Variants in ANLN observed in about 807,000 individuals in gnomAD.
ANLN encodes the protein anillin.
ANLN carries 59 observed loss-of-function variants against 135.1 expected under a neutral mutation model. That is an observed-to-expected ratio of 0.44 (90% confidence interval 0.35 to 0.54). The LOEUF (loss-of-function observed/expected upper bound fraction) is 0.54. ANLN is among the 20% of genes least tolerant of loss of function. The probability of loss-of-function intolerance (pLI) is 0.00; values close to 1 mark genes in which losing one functional copy is unlikely to be tolerated. For synonymous variants in ANLN, 406 were observed against 456.4 expected, an observed-to-expected ratio of 0.89 and a Z score of 1.41; for missense variants, 1,182 against 1,340.0, an observed-to-expected ratio of 0.88 and a Z score of 1.84.
intron 7 of ANLN, among the ~76,000 whole-genome samples, chr7:36,412,306 A>AATATAT (rs60215077): frequency 0.12 from 12,538 of 102,152 alleles, 1,286 homozygotes; most frequent in South Asian, 0.21. Flanking sequence ...CTGCCAGAGA[A>AATATAT]ATATATATAT....
At chr7:36,397,557 A>G (rs1371366237) in intron 2 of ANLN, among the ~76,000 whole-genome samples, 1 of 152,228 alleles carries the variant, frequency 6.6e-6, no homozygotes, top group Non-Finnish European at 1.5e-5. Context: ...GTGTTCATAG[A>G]AAATAGATCG....
At chr7:36,410,939 C>A in intron 6 of ANLN, 120 bp from the exon 7 acceptor site, 2 of 1,013,698 alleles carry the variant, frequency 2.0e-6, no homozygotes, top group Non-Finnish European at 2.8e-6. Flanking sequence ...ACTTTTTAAA[C>A]TGAAAACTGT....
intron 8 of ANLN, 29 bp from the exon 9 acceptor site, chr7:36,417,051 T>C: frequency 8.1e-7 from 1 of 1,233,050 alleles, no homozygotes; most frequent in South Asian, 1.4e-5. Flanking sequence ...CTTATATATA[T>C]TAATATGGTC....
intron 7 of ANLN, among the ~76,000 whole-genome samples, chr7:36,413,986 T>G (rs1787534727): frequency 6.8e-6 from 1 of 146,232 alleles, no homozygotes; most frequent in Non-Finnish European, 1.5e-5. Flanking sequence ...GGAGTGAGAC[T>G]CCGTCTCAAA....
intron 20 of ANLN, 151 bp from the exon 21 acceptor site, chr7:36,439,053 T>C (rs1334464797): frequency 3.0e-6 from 2 of 658,448 alleles, no homozygotes; most frequent in African/African-American, 1.9e-5. Flanking sequence ...AAGGAACCAA[T>C]GGCTTTTTGG....
intron 20 of ANLN, among the ~76,000 whole-genome samples, chr7:36,436,790 T>A (rs1259252415): frequency 6.6e-6 from 1 of 152,238 alleles, no homozygotes; most frequent in Non-Finnish European, 1.5e-5. Context: ...TTCAAGTCCT[T>A]TGCCAAATTT....
At chr7:36,400,055 G>A (rs1367914243) in intron 3 of ANLN, among the ~76,000 whole-genome samples, 1 of 152,036 alleles carries the variant, frequency 6.6e-6, no homozygotes, top group Non-Finnish European at 1.5e-5. Context: ...TGAAGTCAAG[G>A]TGAAGAGAAA....
intron 21 of ANLN, among the ~76,000 whole-genome samples, chr7:36,441,219 A>G (rs1457109126): frequency 2.0e-5 from 3 of 152,194 alleles, no homozygotes; most frequent in Non-Finnish European, 4.4e-5. Context: ...TAGCTGGTCC[A>G]TTTGCATATA....
intron 22 of ANLN, among the ~76,000 whole-genome samples, chr7:36,444,511 A>G (rs191242654): frequency 6.6e-6 from 1 of 152,236 alleles, no homozygotes; most frequent in African/African-American, 2.4e-5. Context: ...TAGTTAGGGT[A>G]AAACAGTAAT....
At chr7:36,398,985 G>T (rs1169481589) in intron 2 of ANLN, 94 bp from the exon 3 acceptor site, 8 of 923,980 alleles carry the variant, frequency 8.7e-6, no homozygotes, top group Non-Finnish European at 1.2e-5. Flanking sequence ...ATAGGGAGGG[G>T]TGATGTTTTA....
chr7:36,407,755 TCTACTACATCTA>T lies in ANLN; in HGVS notation c.896_907del (p.Ser299_Ile303delinsPhe), dbSNP rs1380227970. The T allele has an allele frequency of 6.2e-7, 1 of 1,613,020 alleles. No homozygotes were observed. ...TCAGAAAGCTACTTCTCCAGTGAAA[TCTACTACATCTA>T]TCACTGATGCTAAAAGTTGTGAGGG... On this transcript the variant is annotated inframe_deletion, in exon 5 of 24. Coordinates refer to ENST00000265748, the MANE Select transcript of ANLN (RefSeq NM_018685.5).
At chr7:36,431,745 T>C (rs779284351) in intron 20 of ANLN, among the ~76,000 whole-genome samples, 2 of 151,476 alleles carry the variant, frequency 1.3e-5, no homozygotes, top group African/African-American at 2.4e-5. Flanking sequence ...GGCTTGGGTG[T>C]TAGCAGCTTT....
rs754293266 is a variant in ANLN, at chr7:36,399,379, A to C, written c.473A>C (p.Asn158Thr). 9 of 1,609,442 alleles carry C rather than the reference A, an allele frequency of 5.6e-6. No homozygotes were observed. The highest frequency in any genetic ancestry group is 7.6e-6 in the Non-Finnish European group (9 of 1,177,598). The stretch of plus-strand genomic sequence containing the variant: ...GCAGAGCAACGGCGCCGTTGGGATA[A>C]TGATGATATGACAGGTATGAATTGT... ...KLAEQRRRWD[N>T]DDMTDDIPES... The change falls in exon 3 of 24, where the codon AAT (asparagine) becomes ACT (threonine). Residue 158 changes from asparagine (N) to threonine (T), a missense_variant. Asn to Thr is a moderately conservative substitution (Grantham distance 65). Coordinates refer to ENST00000265748, the MANE Select transcript of ANLN (RefSeq NM_018685.5).
chr7:36,410,612 A>G lies in ANLN; in HGVS notation c.1195A>G (p.Ile399Val), dbSNP rs756690754. The change falls in exon 6 of 24, where the codon ATT (isoleucine) becomes GTT (valine). Residue 399 changes from isoleucine to valine, a missense_variant. By Grantham distance (29) the Ile-to-Val change is conservative (BLOSUM62 3). Around this residue, in one of 3 missense-constraint regions of ANLN, gnomAD observed 1,022 missense variants for 1,134.0 expected, o/e 0.90. Transcript: ENST00000265748. Reference protein sequence around the residue: ...PARSTPHRTPIITPNTKAIQE... With the variant: ...PARSTPHRTPVITPNTKAIQE... ...TCGTAGCACACCCCACAGAACCCCC[A>G]TTATTACTCCAAATACAAAGGCCAT... 1 of 1,614,196 alleles carries G rather than the reference A, an allele frequency of 6.2e-7. No individual in the cohort carries two copies. The highest frequency in any genetic ancestry group is 8.5e-7 in the Non-Finnish European group (1 of 1,180,034).
chr7:36,431,561 T>TTGTGTG (rs1186662720), intron 20 of ANLN, among the ~76,000 whole-genome samples: 5,975 of 75,080 alleles, frequency 0.08, 454 homozygotes, highest in Admixed American at 0.11. Context: ...ATGTGTGTGT[T>TTGTGTG]TGTGTGTGTG....
Position 36,426,905 on chromosome 7 carries a change from G to A in ANLN, c.2771-11G>A, listed in dbSNP as rs369425438. On this transcript the variant is annotated splice_polypyrimidine_tract_variant and intron_variant, in intron 19 of 23. Transcript: ENST00000265748. ...ATTCTGAACTAAACTTAATTTCCTC[G>A]TTCTTCACAGTCATGGCCAGTCCAG... is the stretch of plus-strand genomic sequence containing the variant. The A allele has an allele frequency of 1.7e-5, 27 of 1,548,964 alleles. No individual in the cohort carries two copies. The highest frequency in any genetic ancestry group is 8.4e-5 in the African/African-American group (6 of 71,810).
Position 36,419,246 on chromosome 7 carries a change from G to C in ANLN, c.1636G>C (p.Val546Leu). ...SDPKVEQKIE[V>L]IREIEMSVDD... Reference sequence around the variant, plus strand: ...CCACCTATTGAAATATTTTTCAGAAGTGATACGTGAAATTGAGATGAGTGT... The same window carrying C: ...CCACCTATTGAAATATTTTTCAGAACTGATACGTGAAATTGAGATGAGTGT... The change falls in exon 10 of 24, where the codon GTG becomes CTG. Residue 546 changes from valine to leucine, a missense_variant and splice_region_variant. By Grantham distance (32) the Val-to-Leu change is conservative. Coordinates refer to ENST00000265748, the MANE Select transcript of ANLN (RefSeq NM_018685.5). The C allele has an allele frequency of 6.2e-7, 1 of 1,609,922 alleles. No individual in the cohort carries two copies. The highest frequency in any genetic ancestry group is 8.5e-7 in the Non-Finnish European group (1 of 1,176,596).
At chr7:36,431,161 T>C (rs1788294078) in intron 20 of ANLN, among the ~76,000 whole-genome samples, 1 of 152,072 alleles carries the variant, frequency 6.6e-6, no homozygotes, top group East Asian at 1.9e-4. Context: ...AACTTAAAAC[T>C]CACTGTAAGG....
intron 5 of ANLN, among the ~76,000 whole-genome samples, chr7:36,409,769 A>T (rs1787333790): frequency 6.6e-6 from 1 of 152,004 alleles, no homozygotes; most frequent in Non-Finnish European, 1.5e-5. Flanking sequence ...GACCTCCCAG[A>T]TTCAAGAGAT....
Sources: allele counts gnomAD v4.1 joint callset (sites outside exome capture counted in the v4.1 genomes callset), GRCh38; gene constraint gnomAD v4.1.1; regional missense constraint gnomAD v4.1.1; transcripts MANE v1.5; gene names NCBI Gene and HGNC (gene_info 2026-07-23, HGNC 2026-07-21).